The following DSE variants were observed in gnomAD, a reference collection of about 807,000 sequenced individuals.
DSE encodes the protein dermatan-sulfate epimerase.
Under a neutral mutation model 84.4 loss-of-function variants are expected in DSE, and 36 were observed. The ratio of observed to expected loss-of-function variants is 0.43; its 90% CI spans 0.33 to 0.56. The LOEUF is 0.56. Ranked by LOEUF, DSE falls within the 20% of genes least tolerant of loss-of-function variation. The pLI, the probability that DSE is intolerant of heterozygous loss-of-function variation, is 0.06. For missense variants in DSE, 862 were observed against 1,169.6 expected, an observed-to-expected ratio of 0.74 and a Z score of 3.84; for synonymous variants, 410 against 430.1, an observed-to-expected ratio of 0.95 and a Z score of 0.58.
intron 2 of DSE, among the ~76,000 whole-genome samples, chr6:116,354,789 G>A (rs1562249871): frequency 6.6e-6 from 1 of 151,356 alleles, no homozygotes; most frequent in African/African-American, 2.4e-5. Context: ...ATATTTTTTG[G>A]TTACATTACT....
intron 1 of DSE, chr6:116,256,212 CTT>C (rs1772136559): frequency 6.6e-6 from 1 of 152,192 alleles, no homozygotes; most frequent in South Asian, 2.1e-4. Context: ...GCCCTTATGA[CTT>C]TTACTATCCA....
chr6:116,321,604 A>G (rs1583013948), intron 2 of DSE, among the ~76,000 whole-genome samples: 1 of 152,022 alleles, frequency 6.6e-6, no homozygotes, highest in East Asian at 1.9e-4. Flanking sequence ...CAGCAAACAT[A>G]GTGAAACCCC....
At chr6:116,389,273 C>T (rs569003396) in intron 1 of DSE, among the ~76,000 whole-genome samples, 2 of 152,114 alleles carry the variant, frequency 1.3e-5, no homozygotes, top group African/African-American at 2.4e-5. Context: ...GAAACAGGAA[C>T]GTAGGTAAGG....
At chr6:116,427,911 AG>A (rs1783553636) in intron 3 of DSE, among the ~76,000 whole-genome samples, 1 of 152,230 alleles carries the variant, frequency 6.6e-6, no homozygotes, top group African/African-American at 2.4e-5. Context: ...ACATCAGGTC[AG>A]GCGTGGTGGC....
intron 2 of DSE, among the ~76,000 whole-genome samples, chr6:116,335,392 G>GA (rs1273382711): frequency 1.3e-5 from 2 of 152,174 alleles, no homozygotes; most frequent in Non-Finnish European, 2.9e-5. Context: ...AGGGTGGGAA[G>GA]AGAGAGAGTG....
chr6:116,299,543 TATATATATAC>T (rs1774894471), intron 2 of DSE, among the ~76,000 whole-genome samples: 4 of 27,462 alleles, frequency 1.5e-4, no homozygotes, highest in African/African-American at 8.4e-4. Context: ...TATATATATA[TATATATATAC>T]ACATACACAC....
intron 2 of DSE, among the ~76,000 whole-genome samples, chr6:116,407,105 A>T (rs1201907900): frequency 6.6e-6 from 1 of 152,194 alleles, no homozygotes; most frequent in African/African-American, 2.4e-5. Flanking sequence ...CTTTCACCAT[A>T]TTGGGTATCC....
In DSE at chr6:116,441,405, T is replaced by C. The variant is rs1784421897; in HGVS notation, c.*4060T>C. The C allele has an allele frequency of 6.6e-6, 1 of 152,202 alleles. No homozygotes were observed. The highest frequency in any genetic ancestry group is 2.4e-5 in the African/African-American group (1 of 41,452). The allele number at this position is 152,202 out of a possible 1,614,324, so 9.4% of individuals were successfully genotyped here. A position where few individuals can be genotyped will look rare whatever the true frequency, so the allele number is the denominator to read the frequency against. ...CTTATTTAAAAAACAAAACAATAAA[T>C]TATCTGTCCCTTCCCCTCTCATTCT... On this transcript the variant is annotated 3_prime_UTR_variant, in exon 6 of 6. Coordinates refer to ENST00000644252, the MANE Select transcript of DSE (RefSeq NM_013352.4).
intron 1 of DSE, among the ~76,000 whole-genome samples, chr6:116,395,411 C>T (rs1015912762): frequency 2.0e-5 from 3 of 149,762 alleles, no homozygotes; most frequent in Non-Finnish European, 3.0e-5. Flanking sequence ...GGCGACAGAG[C>T]GAGACTCCGT....
rs552417495 is a variant in DSE at position 116,258,680 on chromosome 6, G to A, written c.-341G>A. On this transcript the variant is annotated 5_prime_UTR_variant, in exon 2 of 4. Transcript: ENST00000430252. ...AGCAGCCAGATGGCCTGATTCACAC[G>A]GCGAAGTGGGGACACGTCCACAGCC... is the stretch of plus-strand genomic sequence containing the variant. The A allele has an allele frequency of 2.2e-4, 361 of 1,607,528 alleles. 6 individuals are homozygous for A. The South Asian group carries it at 3.5e-3, about 15-fold the overall frequency.
intron 2 of DSE, among the ~76,000 whole-genome samples, chr6:116,328,192 A>G (rs577883256): frequency 5.3e-5 from 8 of 152,220 alleles, no homozygotes; most frequent in Non-Finnish European, 1.0e-4. Flanking sequence ...AACATAGAAA[A>G]CATACAAGGT....
At chr6:116,316,828 A>AC (rs1776011211) in intron 2 of DSE, among the ~76,000 whole-genome samples, 1 of 147,806 alleles carries the variant, frequency 6.8e-6, no homozygotes, top group South Asian at 2.3e-4. Flanking sequence ...TACTACTACT[A>AC]TTATTATTAT....
chr6:116,395,790 A>G (rs537115641), intron 1 of DSE, among the ~76,000 whole-genome samples: 1 of 152,284 alleles, frequency 6.6e-6, no homozygotes, highest in East Asian at 1.9e-4. Context: ...AGCACACACA[A>G]TGTCTAGAGT....
At chr6:116,388,333 C>T (rs1025611879) in intron 1 of DSE, among the ~76,000 whole-genome samples, 2 of 152,192 alleles carry the variant, frequency 1.3e-5, no homozygotes, top group African/African-American at 4.8e-5. Flanking sequence ...TCTTCCCTCT[C>T]TTTTTGTTCT....
At chr6:116,298,482 G>A (rs998052184) in intron 2 of DSE, among the ~76,000 whole-genome samples, 3 of 152,192 alleles carry the variant, frequency 2.0e-5, no homozygotes, top group Non-Finnish European at 4.4e-5. Flanking sequence ...AGAGGACGGG[G>A]CCACTAGCCA....
chr6:116,265,903 A>G (rs1278883314), intron 2 of DSE, among the ~76,000 whole-genome samples: 1 of 152,166 alleles, frequency 6.6e-6, no homozygotes, highest in African/African-American at 2.4e-5. Context: ...TCTGCATCAG[A>G]TGGCTTGCTG....
chr6:116,409,264 T>C (rs1410548224), intron 2 of DSE, among the ~76,000 whole-genome samples: 1 of 152,222 alleles, frequency 6.6e-6, no homozygotes, highest in East Asian at 1.9e-4. Flanking sequence ...ATAAGTTTAC[T>C]GTATTTGTTT....
At chr6:116,416,030 CTTT>C (rs1782682935) in intron 2 of DSE, among the ~76,000 whole-genome samples, 1 of 152,154 alleles carries the variant, frequency 6.6e-6, no homozygotes, top group Non-Finnish European at 1.5e-5. Flanking sequence ...TTTTCTTTGC[CTTT>C]TTCTAGCTTT....
intron 2 of DSE, among the ~76,000 whole-genome samples, chr6:116,412,995 T>G (rs1483167256): frequency 6.6e-6 from 1 of 152,142 alleles, no homozygotes; most frequent in Non-Finnish European, 1.5e-5. Context: ...CTTAGGATAA[T>G]GGCCTCTAGC....
Sources: gnomAD v4.1 joint callset for allele counts (sites outside exome capture counted in the v4.1 genomes callset) on GRCh38, gnomAD v4.1.1 for gene constraint, MANE v1.5 for transcripts, NCBI Gene and HGNC (gene_info 2026-07-23, HGNC 2026-07-21) for gene names.